Variants in PHKB observed in about 807,000 individuals in gnomAD.
PHKB encodes phosphorylase b kinase regulatory subunit beta.
PHKB carries 122 observed loss-of-function variants against 152.1 expected under a neutral mutation model. That is an observed-to-expected ratio of 0.80 (90% CI 0.69 to 0.93). The LOEUF (loss-of-function observed/expected upper bound fraction) is 0.93, where lower values mean the gene tolerates loss of function less well. Ranked by LOEUF, PHKB falls within the 40% of genes least tolerant of loss-of-function variation. PHKB has a pLI of 0.00. For synonymous variants in PHKB, 436 were observed against 464.9 expected, an observed-to-expected ratio of 0.94 and a Z score of 0.80; for missense variants, 1,304 against 1,328.4, an observed-to-expected ratio of 0.98 and a Z score of 0.29.
intron 26 of PHKB, among the ~76,000 whole-genome samples, chr16:47,684,038 A>G (rs1362467593): frequency 6.7e-6 from 1 of 149,178 alleles, no homozygotes; most frequent in Non-Finnish European, 1.5e-5. Context: ...TTTTTTTTCC[A>G]GAAAATTTCA....
intron 1 of PHKB, among the ~76,000 whole-genome samples, chr16:47,496,118 C>A (rs1970228151): frequency 6.6e-6 from 1 of 151,748 alleles, no homozygotes; most frequent in Non-Finnish European, 1.5e-5. Context: ...GAATCTTAAT[C>A]TGTGCCAATG....
intron 1 of PHKB, among the ~76,000 whole-genome samples, chr16:47,482,913 G>GT (rs1283740403): frequency 1.3e-5 from 2 of 151,630 alleles, no homozygotes; most frequent in African/African-American, 4.8e-5. Context: ...GAGAGATGGG[G>GT]TTTTGCCATG....
In PHKB at chr16:47,511,732, G is replaced by A; in HGVS notation, c.473G>A (p.Gly158Glu). The A allele has an allele frequency of 1.2e-6, 2 of 1,611,732 alleles. No individual in the cohort carries two copies. The highest frequency in any genetic ancestry group is 1.7e-6 in the Non-Finnish European group (2 of 1,177,832). ...CACTCTGTTTTCAATGTGCATACAGGAGATGAGTTGCTTTCCTATGAGGAA... is the reference window on the plus strand; with the variant it reads ...CACTCTGTTTTCAATGTGCATACAGAAGATGAGTTGCTTTCCTATGAGGAA... The part of the protein sequence containing the change: ...CLHSVFNVHT[G>E]DELLSYEEYG... The change falls in exon 5 of 31, where the codon GGA becomes GAA. Residue 158 changes from glycine (G) to glutamate (E), a missense_variant. By Grantham distance (98) the Gly-to-Glu change is moderately conservative (BLOSUM62 -2). Coordinates refer to ENST00000323584, the MANE Select transcript of PHKB (RefSeq NM_000293.3).
intron 7 of PHKB, among the ~76,000 whole-genome samples, chr16:47,553,906 T>C (rs1318862790): frequency 1.3e-5 from 2 of 152,166 alleles, no homozygotes; most frequent in African/African-American, 4.8e-5. Context: ...TTTCTTCCTC[T>C]GGAAGGTTTG....
intron 1 of PHKB, among the ~76,000 whole-genome samples, chr16:47,487,091 A>AT (rs895936915): frequency 2.6e-5 from 4 of 152,176 alleles, no homozygotes; most frequent in African/African-American, 9.7e-5. Context: ...CTGGGGTAAG[A>AT]TTCTATTTTC....
intron 13 of PHKB, among the ~76,000 whole-genome samples, chr16:47,599,423 A>C (rs1434566136): frequency 6.6e-6 from 1 of 152,216 alleles, no homozygotes; most frequent in African/African-American, 2.4e-5. Flanking sequence ...GTGAATTGAG[A>C]AGGTGGAATT....
intron 7 of PHKB, among the ~76,000 whole-genome samples, chr16:47,557,783 G>C (rs1331237899): frequency 6.6e-6 from 1 of 152,056 alleles, no homozygotes; most frequent in African/African-American, 2.4e-5. Context: ...TACACTGTTG[G>C]TGAGACTGTA....
intron 1 of PHKB, among the ~76,000 whole-genome samples, chr16:47,486,199 A>G (rs889305128): frequency 1.3e-5 from 2 of 152,192 alleles, no homozygotes; most frequent in African/African-American, 4.8e-5. Context: ...GTTGCAGAAG[A>G]TCGAACAATT....
At chr16:47,695,886 G>A (rs1182238721) in intron 28 of PHKB, among the ~76,000 whole-genome samples, 3 of 152,238 alleles carry the variant, frequency 2.0e-5, no homozygotes, top group Admixed American at 6.5e-5. Flanking sequence ...TTTTAGCGTC[G>A]CTTTTTTCCT....
chr16:47,647,650 A>G (rs945086128), intron 16 of PHKB, among the ~76,000 whole-genome samples: 2 of 151,840 alleles, frequency 1.3e-5, no homozygotes, highest in African/African-American at 4.8e-5. Flanking sequence ...GGCACCCGCC[A>G]CCACGCCTGG....
chr16:47,530,649 A>T (rs1488620927), intron 6 of PHKB, among the ~76,000 whole-genome samples: 2 of 152,248 alleles, frequency 1.3e-5, no homozygotes, highest in Admixed American at 6.5e-5. Flanking sequence ...TGGATACATG[A>T]TCAACATATG....
intron 1 of PHKB, among the ~76,000 whole-genome samples, chr16:47,474,032 A>C (rs1301624408): frequency 6.6e-6 from 1 of 152,140 alleles, no homozygotes; most frequent in Non-Finnish European, 1.5e-5. Flanking sequence ...GTAATAATTG[A>C]AATTTGTCAT....
intron 5 of PHKB, among the ~76,000 whole-genome samples, chr16:47,513,447 A>T (rs937041785): frequency 6.6e-6 from 1 of 152,182 alleles, no homozygotes; most frequent in African/African-American, 2.4e-5. Context: ...AACCTAAAAG[A>T]TGCAGACTAC....
At chr16:47,683,112 C>T (rs910124467) in intron 26 of PHKB, among the ~76,000 whole-genome samples, 8 of 152,146 alleles carry the variant, frequency 5.3e-5, no homozygotes, top group South Asian at 2.1e-4. Context: ...GCTGCCTGAT[C>T]GTTCCTCTGG....
At chr16:47,662,943 A>G (rs1204491922) in intron 23 of PHKB, among the ~76,000 whole-genome samples, 1 of 152,134 alleles carries the variant, frequency 6.6e-6, no homozygotes, top group Non-Finnish European at 1.5e-5. Flanking sequence ...TGCTAAGGGA[A>G]TGATGTTGTA....
chr16:47,654,927 A>C (rs1001326529), intron 20 of PHKB, among the ~76,000 whole-genome samples: 1 of 152,098 alleles, frequency 6.6e-6, no homozygotes, highest in Non-Finnish European at 1.5e-5. Context: ...TGTTGTGCAC[A>C]TGTACCCCAA....
At chr16:47,643,431 C>CT (rs1597145382) in intron 16 of PHKB, among the ~76,000 whole-genome samples, 1 of 152,322 alleles carries the variant, frequency 6.6e-6, no homozygotes, top group Admixed American at 6.5e-5. Flanking sequence ...CAAGTAAAGA[C>CT]TTACAACAGT....
intron 3 of PHKB, among the ~76,000 whole-genome samples, chr16:47,501,779 A>G (rs1970328645): frequency 6.6e-6 from 1 of 152,232 alleles, no homozygotes; most frequent in South Asian, 2.1e-4. Flanking sequence ...ACAAGAGGAT[A>G]GGCAGCATAT....
chr16:47,650,366 C>A (rs905778019), intron 18 of PHKB, among the ~76,000 whole-genome samples, 178 bp from the exon 19 acceptor site: 3 of 152,168 alleles, frequency 2.0e-5, no homozygotes, highest in East Asian at 3.8e-4. Flanking sequence ...GCATAACTTG[C>A]GTGTACCCAG....
Sources: allele counts gnomAD v4.1 joint callset (sites outside exome capture counted in the v4.1 genomes callset), GRCh38; gene constraint gnomAD v4.1.1; transcripts MANE v1.5; gene names NCBI Gene and HGNC (gene_info 2026-07-23, HGNC 2026-07-21).